NRXN3: variants seen among roughly 807,000 people sequenced by gnomAD.
NRXN3 encodes neurexin 3.
In NRXN3, 32 loss-of-function variants were observed where a neutral mutation model predicts 137.6. The observed-to-expected ratio is 0.23, with a 90% CI of 0.18 to 0.31. The LOEUF is 0.31. NRXN3 is among the 10% of genes least tolerant of loss of function. The pLI is 1.00. For synonymous variants in NRXN3, 798 were observed against 784.5 expected, an observed-to-expected ratio of 1.02 and a Z score of -0.29; for missense variants, 1,574 against 2,062.5, an observed-to-expected ratio of 0.76 and a Z score of 4.59.
At chr14:78,853,107 A>G (rs31354) in intron 10 of NRXN3, among the ~76,000 whole-genome samples, 38,755 of 151,960 alleles carry the variant, frequency 0.26, 7,765 homozygotes, top group African/African-American at 0.55. Context: ...TAGGGTACAC[A>G]TGCACAACGT....
At chr14:79,225,463 A>T (rs920066446) in intron 15 of NRXN3, among the ~76,000 whole-genome samples, 5 of 152,050 alleles carry the variant, frequency 3.3e-5, no homozygotes, top group Non-Finnish European at 7.4e-5. Context: ...GATTCCCAGG[A>T]ATTATCATGG....
intron 15 of NRXN3, among the ~76,000 whole-genome samples, chr14:79,132,938 A>ACC (rs2057747551): frequency 6.6e-6 from 1 of 152,168 alleles, no homozygotes; most frequent in Admixed American, 6.5e-5. Flanking sequence ...AAGTCTTTCT[A>ACC]CCCCATCATC....
chr14:78,756,454 C>T (rs1336090741), intron 8 of NRXN3, among the ~76,000 whole-genome samples: 1 of 150,172 alleles, frequency 6.7e-6, no homozygotes, highest in Non-Finnish European at 1.5e-5. Context: ...TGCCACTGTA[C>T]TTGGCTCTGT....
intron 4 of NRXN3, among the ~76,000 whole-genome samples, chr14:78,586,743 G>T (rs965010312): frequency 1.3e-5 from 2 of 152,228 alleles, no homozygotes; most frequent in Non-Finnish European, 2.9e-5. Flanking sequence ...GGACCTTGAA[G>T]AAGAGCCCTT....
intron 1 of NRXN3, among the ~76,000 whole-genome samples, chr14:78,229,847 G>A (rs1341833506): frequency 1.3e-5 from 2 of 152,086 alleles, no homozygotes; most frequent in East Asian, 3.9e-4. Context: ...AGGGTTGGTA[G>A]CACCATATAC....
At chr14:79,340,381 A>G (rs2092540411) in intron 15 of NRXN3, among the ~76,000 whole-genome samples, 2 of 152,218 alleles carry the variant, frequency 1.3e-5, no homozygotes, top group Admixed American at 1.3e-4. Context: ...TATTATGAAG[A>G]TGAAGGTTAT....
chr14:79,374,578 A>G (rs1256906860), intron 15 of NRXN3, among the ~76,000 whole-genome samples: 3 of 151,848 alleles, frequency 2.0e-5, no homozygotes, highest in Non-Finnish European at 4.4e-5. Flanking sequence ...ATACCCTCAC[A>G]TGGCAGATAG....
At chr14:79,193,248 G>A (rs1342309434) in intron 15 of NRXN3, among the ~76,000 whole-genome samples, 2 of 152,130 alleles carry the variant, frequency 1.3e-5, no homozygotes, top group Non-Finnish European at 2.9e-5. Flanking sequence ...ATAAATTAAA[G>A]AGAACACTAA....
intron 19 of NRXN3, among the ~76,000 whole-genome samples, chr14:79,760,421 CTTT>C (rs36098809): frequency 2.9e-5 from 4 of 138,290 alleles, no homozygotes; most frequent in Non-Finnish European, 4.7e-5. Flanking sequence ...ATAACTTAAC[CTTT>C]TTTTTTTTTT....
chr14:79,564,128 A>G (rs908778191), intron 16 of NRXN3, among the ~76,000 whole-genome samples: 1 of 151,906 alleles, frequency 6.6e-6, no homozygotes, highest in African/African-American at 2.4e-5. Flanking sequence ...AAGTGTATTG[A>G]TATGTTTTAT....
chr14:78,708,313 G>T (rs772477412), intron 6 of NRXN3, among the ~76,000 whole-genome samples: 10 of 152,178 alleles, frequency 6.6e-5, no homozygotes, highest in Non-Finnish European at 1.3e-4. Flanking sequence ...TTAGTATCTG[G>T]TTCAGTATTC....
intron 10 of NRXN3, among the ~76,000 whole-genome samples, chr14:78,907,715 G>T (rs889886439): frequency 6.6e-6 from 1 of 152,020 alleles, no homozygotes; most frequent in African/African-American, 2.4e-5. Context: ...ATGGGGGTTT[G>T]TTGTACCGAT....
intron 8 of NRXN3, among the ~76,000 whole-genome samples, chr14:78,731,945 C>T (rs2098517845): frequency 4.6e-5 from 1 of 21,666 alleles, no homozygotes; most frequent in African/African-American, 1.0e-4. Flanking sequence ...ATGCTGTGAA[C>T]AAGCCACCCC....
intron 15 of NRXN3, among the ~76,000 whole-genome samples, chr14:79,420,926 T>C (rs1205645501): frequency 6.6e-6 from 1 of 152,094 alleles, no homozygotes; most frequent in Non-Finnish European, 1.5e-5. Context: ...ACTGAACAAA[T>C]ATTAACTGAG....
In NRXN3 at chr14:79,407,878, G is replaced by A. The variant is rs146447533; in HGVS notation, c.3263-59343G>A. 3.3e-3 allele frequency among the ~76,000 whole-genome samples: 501 copies of A among 152,152 alleles called. 1 individual carries two copies. Among genetic ancestry groups the A allele is most frequent in the South Asian group, 0.011 (54 of 4,806 alleles). On this transcript the variant is annotated intron_variant, in intron 15 of 20. Transcript: ENST00000335750. ...GTCTTTAGTGAATGGAACTTCGGGT[G>A]TTCATTATTGTTGATATTGCAGGTG...
chr14:78,575,006 G>T (rs540677495), intron 4 of NRXN3, among the ~76,000 whole-genome samples: 1 of 152,276 alleles, frequency 6.6e-6, no homozygotes, highest in African/African-American at 2.4e-5. Flanking sequence ...GAATCATGAG[G>T]GTGGTTTCTG....
intron 16 of NRXN3, among the ~76,000 whole-genome samples, chr14:79,663,516 C>T (rs1450725042): frequency 6.6e-6 from 1 of 152,074 alleles, no homozygotes; most frequent in Non-Finnish European, 1.5e-5. Context: ...TAGTTCCAGG[C>T]CTGATTTGCC....
intron 19 of NRXN3, among the ~76,000 whole-genome samples, chr14:79,709,636 A>G (rs1200693718): frequency 1.3e-5 from 2 of 152,088 alleles, no homozygotes; most frequent in East Asian, 3.9e-4. Flanking sequence ...AAAATGACAG[A>G]TTTTTCTGCT....
At chr14:78,738,535 A>G (rs1023989883) in intron 8 of NRXN3, among the ~76,000 whole-genome samples, 1 of 152,104 alleles carries the variant, frequency 6.6e-6, no homozygotes, top group Non-Finnish European at 1.5e-5. Context: ...CTTCAGAGGA[A>G]CCAGAAGCAC....
Sources: allele counts gnomAD v4.1 joint callset (sites outside exome capture counted in the v4.1 genomes callset), GRCh38; gene constraint gnomAD v4.1.1; transcripts MANE v1.5; gene names NCBI Gene and HGNC (gene_info 2026-07-23, HGNC 2026-07-21).